The following SYCE2 variants were observed in gnomAD, a reference collection of about 807,000 sequenced individuals.
The protein encoded by SYCE2 is synaptonemal complex central element protein 2, also known as central element synaptonemal complex 1.
Under a neutral mutation model 27.9 loss-of-function variants are expected in SYCE2, and 3 were observed. That is an observed-to-expected ratio of 0.11 (90% CI 0.05 to 0.28). The LOEUF is 0.28. Among genes scored for constraint, SYCE2 ranks in the 10% least tolerant of loss-of-function variants. SYCE2 has a pLI of 1.00. For synonymous variants in SYCE2, 85 were observed against 100.7 expected, an observed-to-expected ratio of 0.84 and a Z score of 0.93; for missense variants, 207 against 263.5, an observed-to-expected ratio of 0.79 and a Z score of 1.48.
At chr19:12,916,484 G>A (rs114439833) in intron 2 of SYCE2, among the ~76,000 whole-genome samples, 3,069 of 152,234 alleles carry the variant, frequency 0.02, 49 homozygotes, top group Middle Eastern at 0.065. Context: ...CCTCCTGGCT[G>A]GCCTCTTCTC....
In SYCE2 at chr19:12,911,695, G is replaced by A. The variant is rs558619323; in HGVS notation, c.131+6527C>T. The stretch of plus-strand genomic sequence containing the variant: ...TGCAGTGCCACGATCTCGGCTCACT[G>A]CAACCACTATCTCCCAGGTTCAAGT... On this transcript the variant is annotated intron_variant, in intron 2 of 5. Coordinates refer to ENST00000293695, the MANE Select transcript of SYCE2 (RefSeq NM_001105578.2). 4.2e-5 allele frequency among the ~76,000 whole-genome samples: 6 copies of A among 142,892 alleles called. No homozygotes were observed. In the South Asian group the frequency reaches 1.3e-3, roughly 32 times the overall value. 93.7% of individuals were successfully genotyped at this position (142,892 alleles called of 152,430 possible).
intron 3 of SYCE2, among the ~76,000 whole-genome samples, chr19:12,902,498 G>A (rs1250534526): frequency 6.6e-6 from 1 of 152,134 alleles, no homozygotes; most frequent in African/African-American, 2.4e-5. Context: ...AGCTGGGCAT[G>A]GTGGTGCACA....
rs762544143 is a variant in SYCE2 at position 12,919,252 on chromosome 19, C to T, written c.6G>A (p.Glu2=). 68 of 1,611,200 alleles carry T rather than the reference C, an allele frequency of 4.2e-5. No homozygotes were observed. Among genetic ancestry groups the T allele is most frequent in the Non-Finnish European group, 5.1e-5 (60 of 1,180,012 alleles). M[E]RQGVDVPHVK... ...AACAAGCGCCGCGTACTCCCTGTCG[C>T]TCCATTCCGTATTTTCCCGCCTTCA... The change falls in exon 1 of 6, where the codon GAG becomes GAA. Residue 2 remains glutamate (E), a synonymous_variant. Coordinates refer to ENST00000293695, the MANE Select transcript of SYCE2 (RefSeq NM_001105578.2).
intron 4 of SYCE2, 121 bp from the exon 5 acceptor site, chr19:12,900,241 C>G: frequency 8.0e-7 from 1 of 1,257,372 alleles, no homozygotes; most frequent in Non-Finnish European, 1.1e-6. Context: ...CAGAGCTGCT[C>G]ATACAACAGT....
chr19:12,903,973 A>G (rs1371212560), intron 3 of SYCE2, among the ~76,000 whole-genome samples: 1 of 152,184 alleles, frequency 6.6e-6, no homozygotes, highest in Non-Finnish European at 1.5e-5. Flanking sequence ...AGCTTTTGCA[A>G]GATGTAAGCC....
intron 1 of SYCE2, 34 bp downstream of exon 1, chr19:12,919,209 C>A: frequency 6.2e-7 from 1 of 1,609,662 alleles, no homozygotes; most frequent in African/African-American, 1.3e-5. Context: ...TGTCCGCCCG[C>A]CCCACGCGCG....
intron 4 of SYCE2, 167 bp downstream of exon 4, chr19:12,900,293 T>C: frequency 6.7e-6 from 7 of 1,050,642 alleles, no homozygotes; most frequent in Non-Finnish European, 8.1e-6. Context: ...AGACACACCA[T>C]GTTATAGGGG....
At chr19:12,916,473 G>A (rs1490292463) in intron 2 of SYCE2, among the ~76,000 whole-genome samples, 2 of 152,158 alleles carry the variant, frequency 1.3e-5, no homozygotes, top group African/African-American at 4.8e-5. Context: ...GGCCCAGAAT[G>A]CCTCCTGGCT....
At chr19:12,899,620 T>C in intron 5 of SYCE2, 2 of 1,612,948 alleles carry the variant, frequency 1.2e-6, no homozygotes, top group South Asian at 1.1e-5. Context: ...CGCTGTGCTC[T>C]GAGCTTAGAA....
At position 12,918,289 on chromosome 19, in the gene SYCE2, C is replaced by A; in HGVS notation, c.64G>T (p.Gly22Trp). The part of the protein sequence containing the change: ...KCKDQEPQPL[G>W]ESKEHPRWEE... ...CACCGCGGATGCTCCTTGCTCTCCC[C>A]CAAGGGCTGCGGTTCCTGGTCTTTG... Residue 22 changes from glycine to tryptophan, a missense_variant, in exon 2 of 6, where the codon GGG becomes TGG. By Grantham distance (184) the Gly-to-Trp change is radical (BLOSUM62 -2). Coordinates refer to ENST00000293695, the MANE Select transcript of SYCE2 (RefSeq NM_001105578.2). The A allele has an allele frequency of 6.2e-7, 1 of 1,614,188 alleles. No homozygotes were observed. The highest frequency in any genetic ancestry group is 8.5e-7 in the Non-Finnish European group (1 of 1,180,032).
chr19:12,909,734 T>G (rs1425152776), intron 2 of SYCE2, among the ~76,000 whole-genome samples: 1 of 149,826 alleles, frequency 6.7e-6, no homozygotes, highest in Non-Finnish European at 1.5e-5. Flanking sequence ...ACTTGGCGAA[T>G]TTTGTATTTT....
chr19:12,918,822 G>A (rs922037309), intron 1 of SYCE2, among the ~76,000 whole-genome samples: 2 of 151,848 alleles, frequency 1.3e-5, no homozygotes, highest in African/African-American at 2.4e-5. Context: ...GTGGTGGTGC[G>A]TGCCTGTAAT....
At chr19:12,901,963 T>TAATG (rs941727074) in intron 3 of SYCE2, among the ~76,000 whole-genome samples, 4 of 152,206 alleles carry the variant, frequency 2.6e-5, no homozygotes, top group African/African-American at 9.6e-5. Context: ...GTGTGCTGCA[T>TAATG]AATGACATTT....
intron 2 of SYCE2, among the ~76,000 whole-genome samples, chr19:12,905,514 G>T (rs952477570): frequency 2.6e-5 from 4 of 151,972 alleles, no homozygotes; most frequent in Non-Finnish European, 4.4e-5. Flanking sequence ...TGTATTTTTA[G>T]TAGAGACGGG....
In SYCE2 at chr19:12,901,671, A is replaced by G. The variant is rs548924727; in HGVS notation, c.307-1023T>C. Among the ~76,000 whole-genome samples, 19 of 152,036 alleles carry G rather than the reference A, an allele frequency of 1.2e-4. No individual in the cohort carries two copies. The South Asian group carries it at 4.0e-3, about 32-fold the overall frequency. ...GCTCTCATTGCCCAAGCTGGAGTTC[A>G]ATGGCATGATCTTGGCTCACTGCAA... is the stretch of plus-strand genomic sequence containing the variant. On this transcript the variant is annotated intron_variant, in intron 3 of 5. Transcript: ENST00000293695.
At chr19:12,900,225 T>A in intron 4 of SYCE2, 105 bp from the exon 5 acceptor site, 1 of 1,370,900 alleles carries the variant, frequency 7.3e-7, no homozygotes, top group Non-Finnish European at 9.9e-7. Flanking sequence ...GTCCTTTCTG[T>A]CACCACAGAG....
At chr19:12,909,707 C>T (rs559981799) in intron 2 of SYCE2, among the ~76,000 whole-genome samples, 1 of 152,030 alleles carries the variant, frequency 6.6e-6, no homozygotes, top group East Asian at 1.9e-4. Flanking sequence ...GCTGGGATTA[C>T]AGGCATGTAC....
intron 3 of SYCE2, among the ~76,000 whole-genome samples, chr19:12,903,500 T>C (rs12611068): frequency 0.68 from 102,906 of 150,234 alleles, 36,122 homozygotes; most frequent in African/African-American, 0.84. Flanking sequence ...AGCAATTCTG[T>C]CTCATCCTCC....
At chr19:12,908,665 A>G (rs933202550) in intron 2 of SYCE2, among the ~76,000 whole-genome samples, 3 of 151,916 alleles carry the variant, frequency 2.0e-5, no homozygotes, top group Non-Finnish European at 2.9e-5. Flanking sequence ...TTTTCAGTCC[A>G]TTGTAATCAG....
Sources: allele counts gnomAD v4.1 joint callset (sites outside exome capture counted in the v4.1 genomes callset), GRCh38; gene constraint gnomAD v4.1.1; transcripts MANE v1.5; gene names NCBI Gene and HGNC (gene_info 2026-07-23, HGNC 2026-07-21).